The following ZNF644 variants were observed in gnomAD, a reference collection of about 807,000 sequenced individuals.
ZNF644 encodes zinc finger motif enhancer binding protein 2.
In ZNF644, 20 loss-of-function variants were observed where a neutral mutation model predicts 108.0. The observed-to-expected ratio is 0.19, with a 90% confidence interval of 0.13 to 0.27. ZNF644 has a LOEUF of 0.27. ZNF644 is among the 10% of genes least tolerant of loss of function. ZNF644 has a pLI of 1.00. For synonymous variants in ZNF644, 542 were observed against 539.1 expected (o/e 1.01, Z -0.08); for missense variants, 1,338 against 1,548.9 (o/e 0.86, Z 2.29).
chr1:90,978,736 CTT>C (rs1004942287), intron 2 of ZNF644, among the ~76,000 whole-genome samples: 24 of 151,862 alleles, frequency 1.6e-4, no homozygotes, highest in African/African-American at 5.8e-4. Context: ...AGTCTAAAGT[CTT>C]TGTGGAGACA....
intron 4 of ZNF644, chr1:90,935,647 T>A: frequency 1.5e-6 from 1 of 654,714 alleles, no homozygotes; most frequent in Non-Finnish European, 1.9e-6. Context: ...TTCAATGAAA[T>A]AGGTTAACTT....
At chr1:91,009,282 AAACT>A (rs1416047713) in intron 1 of ZNF644, among the ~76,000 whole-genome samples, 2 of 152,158 alleles carry the variant, frequency 1.3e-5, no homozygotes, top group African/African-American at 4.8e-5. Flanking sequence ...TAAAACTCTA[AAACT>A]ATTAGTTCCC....
In ZNF644 at chr1:91,021,819, T is replaced by C. The variant is rs1322734971; in HGVS notation, c.-18+171A>G. 1.5e-5 allele frequency: 6 copies of C among 394,838 alleles called. No individual in the cohort carries two copies. The Admixed American group carries it at 1.8e-4, about 12-fold the overall frequency. 24.5% of individuals were successfully genotyped at this position (394,838 alleles called of 1,614,324 possible). Reference sequence around the variant, plus strand: ...ATCTTAGCCTGTGCGGCAAAATGCGTCCTTTTGGATGGCTGGGACCCAGCC... The same window carrying C: ...ATCTTAGCCTGTGCGGCAAAATGCGCCCTTTTGGATGGCTGGGACCCAGCC... On this transcript the variant is annotated intron_variant, in intron 1 of 5. Coordinates refer to ENST00000337393, the MANE Select transcript of ZNF644 (RefSeq NM_201269.3).
rs976034020 is a variant in ZNF644, at chr1:90,941,426, A to G, written c.45-117T>C. On this transcript the variant is annotated intron_variant, in intron 2 of 5. Coordinates refer to ENST00000337393, the MANE Select transcript of ZNF644 (RefSeq NM_201269.3). ...TTAATTTTCTACTCTTTATATTGAGATTCTAATAATTTTCCAAGAATGAAA... is the reference window on the plus strand; with the variant it reads ...TTAATTTTCTACTCTTTATATTGAGGTTCTAATAATTTTCCAAGAATGAAA... 1.4e-5 allele frequency: 13 copies of G among 903,168 alleles called. No individual in the cohort carries two copies. In the African/African-American group the frequency reaches 2.0e-4, roughly 14 times the overall value. The allele number at this position is 903,168 out of a possible 1,614,324, so 55.9% of individuals were successfully genotyped here.
chr1:90,953,176 C>A (rs892374147), intron 2 of ZNF644, among the ~76,000 whole-genome samples: 1 of 152,150 alleles, frequency 6.6e-6, no homozygotes, highest in African/African-American at 2.4e-5. Context: ...AAACATCTCC[C>A]CCCCTCATTA....
chr1:90,920,683 T>C (rs1649328933), intron 4 of ZNF644, among the ~76,000 whole-genome samples: 1 of 152,012 alleles, frequency 6.6e-6, no homozygotes, highest in Non-Finnish European at 1.5e-5. Flanking sequence ...TTTGAAGGTA[T>C]TATAACCTTG....
intron 1 of ZNF644, 161 bp downstream of exon 1, chr1:91,021,829 T>G (rs1241481763): frequency 2.5e-6 from 1 of 396,092 alleles, no homozygotes; most frequent in East Asian, 3.6e-5. Flanking sequence ...TCCTTTTGGA[T>G]GGCTGGGACC....
In ZNF644 at chr1:90,938,800, T is replaced by C. The variant is rs1224134566; in HGVS notation, c.2554A>G (p.Ser852Gly). The change falls in exon 3 of 6, where the codon AGT (serine) becomes GGT (glycine). Residue 852 changes from serine (S) to glycine (G), a missense_variant. By Grantham distance (56) the Ser-to-Gly change is moderately conservative. Around this residue, in one of 6 missense-constraint regions of ZNF644, gnomAD observed 462 missense variants for 472.6 expected, o/e 0.98. Transcript: ENST00000337393. The surrounding 1 kb of genome is among the most constrained non-coding windows in gnomAD (Gnocchi z 4.2). ...GAACTTTCATCTTCTGTTTCATAAC[T>C]ATCTTTCTTTTCAGCAGAATTAAGT... ...QKLNSAEKKD[S>G]YETEDESSWD... 6.2e-7 allele frequency: 1 copy of C among 1,613,760 alleles called. No homozygotes were observed. Among genetic ancestry groups the C allele is most frequent in the African/African-American group, 1.3e-5 (1 of 74,926 alleles).
At chr1:90,919,280 G>A (rs1004642612) in intron 4 of ZNF644, among the ~76,000 whole-genome samples, 60 of 152,086 alleles carry the variant, frequency 3.9e-4, no homozygotes, top group African/African-American at 1.4e-3. Context: ...TAACAGAAGA[G>A]TTACCCAAAT....
At chr1:90,970,248 C>T (rs1570463793) in intron 2 of ZNF644, among the ~76,000 whole-genome samples, 1 of 152,190 alleles carries the variant, frequency 6.6e-6, no homozygotes, top group South Asian at 2.1e-4. Flanking sequence ...CTCCTTTCAG[C>T]CCATACAATA....
intron 2 of ZNF644, among the ~76,000 whole-genome samples, chr1:90,952,762 C>T (rs1334526159): frequency 6.6e-6 from 1 of 151,688 alleles, no homozygotes; most frequent in African/African-American, 2.4e-5. Flanking sequence ...GTTGGAATCC[C>T]GGAAGGAAAG....
intron 1 of ZNF644, among the ~76,000 whole-genome samples, chr1:91,001,041 T>G (rs1570552505): frequency 6.6e-6 from 1 of 152,070 alleles, no homozygotes; most frequent in African/African-American, 2.4e-5. Context: ...AGGCAATAAT[T>G]AATAGCCTAC....
chr1:90,956,059 G>A (rs1653723850), intron 2 of ZNF644, among the ~76,000 whole-genome samples: 1 of 152,138 alleles, frequency 6.6e-6, no homozygotes, highest in South Asian at 2.1e-4. Flanking sequence ...ATGGAATAGG[G>A]AGGCCCAAGG....
chr1:90,928,841 T>A (rs141344977), intron 4 of ZNF644, among the ~76,000 whole-genome samples: 60 of 152,260 alleles, frequency 3.9e-4, no homozygotes, highest in African/African-American at 1.4e-3. Flanking sequence ...CTACACTTCA[T>A]CTCGTCTTCC....
At chr1:91,002,410 G>C (rs573111583) in intron 1 of ZNF644, among the ~76,000 whole-genome samples, 29 of 152,188 alleles carry the variant, frequency 1.9e-4, no homozygotes, top group South Asian at 8.3e-4. Context: ...ACAAACCTGA[G>C]AAAAACAAGA....
chr1:90,967,793 A>T (rs2101221617), intron 2 of ZNF644, among the ~76,000 whole-genome samples: 1 of 151,948 alleles, frequency 6.6e-6, no homozygotes, highest in East Asian at 1.9e-4. Context: ...CACGCCTGTA[A>T]TCCCAGCACT....
rs199858460 is a variant in ZNF644, at chr1:90,997,831, T to C, written c.-17-15461A>G. On this transcript the variant is annotated intron_variant, in intron 1 of 5. Coordinates refer to ENST00000337393, the MANE Select transcript of ZNF644 (RefSeq NM_201269.3). Reference sequence around the variant, plus strand: ...GCTGTGACAGACGGCATCTGGAAAATTGGGTCACTCCCACCATAATACTGC... The same window carrying C: ...GCTGTGACAGACGGCATCTGGAAAACTGGGTCACTCCCACCATAATACTGC... Among the ~76,000 whole-genome samples, 32 of 152,280 alleles carry C rather than the reference T, an allele frequency of 2.1e-4. No homozygotes were observed. The East Asian group carries it at 4.1e-3, about 19-fold the overall frequency.
intron 1 of ZNF644, among the ~76,000 whole-genome samples, chr1:91,007,001 G>T: frequency 6.6e-6 from 1 of 151,996 alleles, no homozygotes; most frequent in East Asian, 1.9e-4. Flanking sequence ...TTCCATTACT[G>T]ATTACTTTCC....
chr1:90,917,989 A>G, intron 5 of ZNF644, 63 bp downstream of exon 5: 2 of 1,331,814 alleles, frequency 1.5e-6, no homozygotes, highest in East Asian at 2.3e-5. Flanking sequence ...CAAATGAAAT[A>G]GCTAATATGT....
Sources: allele counts gnomAD v4.1 joint callset (sites outside exome capture counted in the v4.1 genomes callset), GRCh38; gene constraint gnomAD v4.1.1; regional missense constraint gnomAD v4.1.1; non-coding constraint Gnocchi (gnomAD v3.1); transcripts MANE v1.5; gene names NCBI Gene and HGNC (gene_info 2026-07-23, HGNC 2026-07-21).